The following GREB1L variants were observed in gnomAD, a reference collection of about 807,000 sequenced individuals.
GREB1L encodes the protein GREB1 like retinoic acid receptor coactivator.
In GREB1L, 17 loss-of-function variants were observed where a neutral mutation model predicts 200.8. That is an observed-to-expected ratio of 0.08 (90% CI 0.06 to 0.13). GREB1L has a LOEUF of 0.13. Among genes scored for constraint, GREB1L ranks in the 10% least tolerant of loss-of-function variants. GREB1L has a pLI of 1.00. For synonymous variants in GREB1L, 789 were observed against 893.0 expected (o/e 0.88, Z 2.08); for missense variants, 1,657 against 2,367.7 (o/e 0.70, Z 6.23).
chr18:21,525,771 C>CTT lies in GREB1L; in HGVS notation c.*2951_*2952dup, dbSNP rs1220944713. 6.6e-6 allele frequency among the ~76,000 whole-genome samples: 1 copy of CTT among 152,194 alleles called. No homozygotes were observed. Among genetic ancestry groups the CTT allele is most frequent in the Non-Finnish European group, 1.5e-5 (1 of 68,022 alleles). ...GCTGTTATTGTAGTATGAATTATAT[C>CTT]TTCTTAAAAAATTTTACCAACTTTT... On this transcript the variant is annotated 3_prime_UTR_variant, in exon 33 of 33. Transcript: ENST00000424526.
chr18:21,385,454 T>C (rs1195741510), intron 4 of GREB1L, among the ~76,000 whole-genome samples: 1 of 151,380 alleles, frequency 6.6e-6, no homozygotes, highest in Non-Finnish European at 1.5e-5. Context: ...TGAATAATTC[T>C]GGTAGCTTCT....
chr18:21,386,831 T>G (rs2040564395), intron 4 of GREB1L, among the ~76,000 whole-genome samples: 1 of 152,146 alleles, frequency 6.6e-6, no homozygotes, highest in South Asian at 2.1e-4. Context: ...GAACTCATTC[T>G]AAGATAGTTT....
intron 17 of GREB1L, among the ~76,000 whole-genome samples, chr18:21,484,191 T>G (rs969277869): frequency 6.6e-5 from 10 of 150,452 alleles, no homozygotes; most frequent in African/African-American, 2.4e-4. Flanking sequence ...TTTTTTTTTT[T>G]TTGAGATGGA....
intron 1 of GREB1L, among the ~76,000 whole-genome samples, chr18:21,285,891 T>A (rs2038347195): frequency 6.6e-6 from 1 of 152,188 alleles, no homozygotes; most frequent in Non-Finnish European, 1.5e-5. Context: ...CTTAGCATGG[T>A]CTTCAGTGTT....
At chr18:21,372,958 G>A (rs1043791804) in intron 2 of GREB1L, among the ~76,000 whole-genome samples, 1 of 151,480 alleles carries the variant, frequency 6.6e-6, no homozygotes, top group Non-Finnish European at 1.5e-5. Context: ...TTGCTCATCA[G>A]CTATTGTTAG....
intron 31 of GREB1L, among the ~76,000 whole-genome samples, chr18:21,520,054 C>T (rs889346814): frequency 6.6e-6 from 1 of 151,968 alleles, no homozygotes; most frequent in Admixed American, 6.6e-5. Flanking sequence ...CTCCTGCCTC[C>T]GTCTCCTGAG....
chr18:21,412,025 C>T (rs568600387), intron 7 of GREB1L, among the ~76,000 whole-genome samples: 1 of 136,138 alleles, frequency 7.3e-6, no homozygotes, highest in Non-Finnish European at 1.5e-5. Context: ...TCAGTCCGGC[C>T]TGGGCGACAG....
At chr18:21,317,199 C>T (rs539831693) in intron 1 of GREB1L, among the ~76,000 whole-genome samples, 8 of 151,384 alleles carry the variant, frequency 5.3e-5, no homozygotes, top group Non-Finnish European at 1.5e-5. Context: ...CATAGTGAGA[C>T]CTGTCTCTAA....
chr18:21,524,594 T>G lies in GREB1L; in HGVS notation c.*1773T>G, dbSNP rs1290974036. The G allele has an allele frequency of 6.6e-6, 1 of 152,198 alleles. No homozygotes were observed. Among genetic ancestry groups the G allele is most frequent in the Non-Finnish European group, 1.5e-5 (1 of 68,022 alleles). 9.4% of individuals were successfully genotyped at this position (152,198 alleles called of 1,614,324 possible). On this transcript the variant is annotated 3_prime_UTR_variant, in exon 33 of 33. Coordinates refer to ENST00000424526, the MANE Select transcript of GREB1L (RefSeq NM_001142966.3). ...CAAGAAACCCACTGTCTGTGCAATA[T>G]TCCAATAACATTTACATAGGGCAAA...
At chr18:21,496,200 C>A (rs1181149164) in intron 20 of GREB1L, among the ~76,000 whole-genome samples, 1 of 152,146 alleles carries the variant, frequency 6.6e-6, no homozygotes, top group Non-Finnish European at 1.5e-5. Context: ...AAATGCCTTA[C>A]ATGTATTCAG....
chr18:21,371,085 CA>C lies in GREB1L; in HGVS notation c.-10+4960del, dbSNP rs558390206. On this transcript the variant is annotated intron_variant, in intron 2 of 32. Transcript: ENST00000424526. ...TGGTCAACAGAGTAAGACTCTGTGTCAAAAAAAAAAATTAATTACAATTAAA... is the reference window on the plus strand; with the variant it reads ...TGGTCAACAGAGTAAGACTCTGTGTCAAAAAAAAAATTAATTACAATTAAA... 1.4e-3 allele frequency among the ~76,000 whole-genome samples: 210 copies of C among 145,512 alleles called. 2 individuals carry two copies. Among genetic ancestry groups the C allele is most frequent in the African/African-American group, 4.2e-3 (169 of 39,796 alleles).
At chr18:21,326,194 A>G (rs1471326670) in intron 1 of GREB1L, among the ~76,000 whole-genome samples, 1 of 152,168 alleles carries the variant, frequency 6.6e-6, no homozygotes, top group African/African-American at 2.4e-5. Flanking sequence ...GGAAAAAAGA[A>G]CAGTGTGTAT....
intron 1 of GREB1L, among the ~76,000 whole-genome samples, chr18:21,280,449 A>C (rs575683018): frequency 2.0e-5 from 3 of 147,622 alleles, no homozygotes; most frequent in Admixed American, 6.8e-5. Context: ...CAGTTTACCT[A>C]TTCACCTTTT....
At chr18:21,327,731 G>A (rs2039044624) in intron 1 of GREB1L, among the ~76,000 whole-genome samples, 1 of 150,954 alleles carries the variant, frequency 6.6e-6, no homozygotes, top group Non-Finnish European at 1.5e-5. Flanking sequence ...GAGGTGGGGG[G>A]CACGGAGTCT....
At position 21,524,827 on chromosome 18, in the gene GREB1L, G is replaced by T. The variant is rs928010690; in HGVS notation, c.*2006G>T. On this transcript the variant is annotated 3_prime_UTR_variant, in exon 33 of 33. Transcript: ENST00000424526. ...TACTATTTAACTCTGGAAGAGATAT[G>T]CCAGAATAAAGCCAAAAGACCATCA... 1.3e-5 allele frequency: 2 copies of T among 151,988 alleles called. No individual in the cohort carries two copies. The highest frequency in any genetic ancestry group is 2.4e-5 in the African/African-American group (1 of 41,400). 9.4% of individuals were successfully genotyped at this position (151,988 alleles called of 1,614,324 possible).
chr18:21,443,588 C>T (rs2145301458), intron 10 of GREB1L, among the ~76,000 whole-genome samples: 1 of 152,304 alleles, frequency 6.6e-6, no homozygotes, highest in East Asian at 1.9e-4. Flanking sequence ...TTTATCATTG[C>T]AGTTTTACAG....
chr18:21,389,351 TCATCAAATAGGAATTTTCTC>T (rs2040692674), intron 4 of GREB1L, among the ~76,000 whole-genome samples: 1 of 145,558 alleles, frequency 6.9e-6, no homozygotes. Flanking sequence ...TTTTTTTTTT[TCATCAAATAGGAATTTTCTC>T]TTTTCACGGG....
chr18:21,453,097 T>G (rs1346021356), intron 14 of GREB1L, among the ~76,000 whole-genome samples: 1 of 152,268 alleles, frequency 6.6e-6, no homozygotes, highest in Admixed American at 6.5e-5. Flanking sequence ...TTAACACATT[T>G]AGAATTTAAA....
At chr18:21,301,229 T>G (rs150783660) in intron 1 of GREB1L, among the ~76,000 whole-genome samples, 86 of 152,350 alleles carry the variant, frequency 5.6e-4, no homozygotes, top group Non-Finnish European at 1.1e-3. Context: ...ATGTGCATTG[T>G]TAGAGTGAAG....
Sources: gnomAD v4.1 joint callset for allele counts (sites outside exome capture counted in the v4.1 genomes callset) on GRCh38, gnomAD v4.1.1 for gene constraint, MANE v1.5 for transcripts, NCBI Gene and HGNC (gene_info 2026-07-23, HGNC 2026-07-21) for gene names.